The following ZNF385D variants were observed in gnomAD, a reference collection of about 807,000 sequenced individuals.
The protein encoded by ZNF385D is zinc finger protein 659.
A neutral mutation model predicts 35.8 loss-of-function variants in ZNF385D; 15 were observed. That is an observed-to-expected ratio of 0.42 (90% confidence interval 0.28 to 0.64). The LOEUF (loss-of-function observed/expected upper bound fraction) is 0.64, where lower values mean the gene tolerates loss of function less well. Ranked by LOEUF, ZNF385D falls within the 30% of genes least tolerant of loss-of-function variation. The pLI, the probability that ZNF385D is intolerant of heterozygous loss-of-function variation, is 0.23. For missense variants in ZNF385D, 474 were observed against 494.6 expected, an observed-to-expected ratio of 0.96 and a Z score of 0.39; for synonymous variants, 212 against 186.8, an observed-to-expected ratio of 1.13 and a Z score of -1.10.
chr3:22,229,463 T>C (rs75261164), intron 2 of ZNF385D, among the ~76,000 whole-genome samples: 8 of 152,320 alleles, frequency 5.3e-5, no homozygotes, highest in East Asian at 1.9e-4. Flanking sequence ...GTTTTCAGCA[T>C]TGATATTGTT....
At chr3:21,604,372 G>A (rs913148183) in intron 2 of ZNF385D, among the ~76,000 whole-genome samples, 1 of 152,116 alleles carries the variant, frequency 6.6e-6, no homozygotes, top group South Asian at 2.1e-4. Context: ...TTAACAAGGC[G>A]CTGAAAATTT....
intron 3 of ZNF385D, among the ~76,000 whole-genome samples, chr3:22,157,679 A>T (rs1206158732): frequency 2.0e-5 from 3 of 152,154 alleles, no homozygotes; most frequent in Non-Finnish European, 4.4e-5. Context: ...ACTTCTACTG[A>T]GTCACTGAAA....
intron 1 of ZNF385D, among the ~76,000 whole-genome samples, chr3:21,684,412 TCTCTCTC>T (rs2067035389): frequency 1.2e-5 from 1 of 84,152 alleles, no homozygotes; most frequent in Non-Finnish European, 2.6e-5. Context: ...CTCCTCTCTC[TCTCTCTC>T]TCTCTCTCTC....
intron 3 of ZNF385D, among the ~76,000 whole-genome samples, chr3:22,021,543 A>G (rs1697224787): frequency 6.6e-6 from 1 of 152,088 alleles, no homozygotes; most frequent in African/African-American, 2.4e-5. Flanking sequence ...AGTTGCTTTA[A>G]TTCGCTCAGC....
At chr3:21,577,715 G>A (rs904946850) in intron 2 of ZNF385D, among the ~76,000 whole-genome samples, 1 of 151,796 alleles carries the variant, frequency 6.6e-6, no homozygotes, top group Non-Finnish European at 1.5e-5. Flanking sequence ...AACTGGGGTG[G>A]GATTATATTT....
chr3:22,253,054 G>T (rs1328140059), intron 2 of ZNF385D, among the ~76,000 whole-genome samples: 5 of 152,186 alleles, frequency 3.3e-5, no homozygotes, highest in Admixed American at 3.3e-4. Flanking sequence ...TTTGGTAATT[G>T]ATAGATGTTG....
chr3:21,963,877 C>G (rs1267401128), intron 3 of ZNF385D, among the ~76,000 whole-genome samples: 1 of 151,932 alleles, frequency 6.6e-6, no homozygotes, highest in Non-Finnish European at 1.5e-5. Flanking sequence ...AAGAAAAATT[C>G]AGAGCAGAAA....
chr3:22,238,799 C>G (rs1218024248), intron 2 of ZNF385D, among the ~76,000 whole-genome samples: 1 of 150,760 alleles, frequency 6.6e-6, no homozygotes, highest in Non-Finnish European at 1.5e-5. Flanking sequence ...GTGTTGTGAA[C>G]AGGGCTCACT....
At chr3:22,072,657 A>G (rs1411529849) in intron 3 of ZNF385D, among the ~76,000 whole-genome samples, 1 of 152,026 alleles carries the variant, frequency 6.6e-6, no homozygotes, top group Non-Finnish European at 1.5e-5. Flanking sequence ...TAGGAAGGCA[A>G]GAAGGAATGG....
chr3:21,990,405 C>T (rs1037843398), intron 3 of ZNF385D, among the ~76,000 whole-genome samples: 1 of 152,192 alleles, frequency 6.6e-6, no homozygotes, highest in Non-Finnish European at 1.5e-5. Flanking sequence ...ATGAACTTAC[C>T]TAACTTCCTA....
At chr3:21,906,218 C>T (rs1357727198) in intron 3 of ZNF385D, among the ~76,000 whole-genome samples, 1 of 152,174 alleles carries the variant, frequency 6.6e-6, no homozygotes, top group Non-Finnish European at 1.5e-5. Flanking sequence ...TGTAATTAAT[C>T]TGCTGAAATG....
At chr3:21,973,994 G>A (rs1603661) in intron 3 of ZNF385D, among the ~76,000 whole-genome samples, 58,520 of 151,646 alleles carry the variant, frequency 0.39, 11,915 homozygotes, top group African/African-American at 0.53. Flanking sequence ...TGTATATATT[G>A]CTCAAAGCAA....
intron 3 of ZNF385D, among the ~76,000 whole-genome samples, chr3:22,110,875 G>T (rs952053134): frequency 1.3e-5 from 2 of 151,934 alleles, no homozygotes; most frequent in Admixed American, 6.6e-5. Flanking sequence ...TAGGATATAA[G>T]GCTGTCAAGA....
At chr3:22,146,431 T>A (rs1483470622) in intron 3 of ZNF385D, among the ~76,000 whole-genome samples, 1 of 152,186 alleles carries the variant, frequency 6.6e-6, no homozygotes, top group Non-Finnish European at 1.5e-5. Context: ...TTTTGTTTGC[T>A]TTCCCCTTTG....
chr3:21,728,235 G>A (rs1424543824), intron 1 of ZNF385D, among the ~76,000 whole-genome samples: 1 of 151,542 alleles, frequency 6.6e-6, no homozygotes, highest in Non-Finnish European at 1.5e-5. Flanking sequence ...GTATACCTAT[G>A]TAACAAAACT....
chr3:21,907,897 G>A (rs948305903), intron 3 of ZNF385D, among the ~76,000 whole-genome samples: 11 of 151,982 alleles, frequency 7.2e-5, no homozygotes, highest in African/African-American at 2.7e-4. Flanking sequence ...GGTAATTGGA[G>A]AACTTGCCTA....
intron 3 of ZNF385D, among the ~76,000 whole-genome samples, chr3:22,086,746 T>C (rs941931808): frequency 6.6e-6 from 1 of 152,160 alleles, no homozygotes; most frequent in Non-Finnish European, 1.5e-5. Context: ...TGGAATACTA[T>C]GCAGCCATAA....
intron 1 of ZNF385D, among the ~76,000 whole-genome samples, chr3:21,700,758 G>A (rs1575488138): frequency 6.6e-6 from 1 of 152,100 alleles, no homozygotes; most frequent in African/African-American, 2.4e-5. Context: ...AAATCATGTT[G>A]GAATATTTAA....
At chr3:21,895,123 C>G (rs1699065935) in intron 3 of ZNF385D, among the ~76,000 whole-genome samples, 1 of 151,770 alleles carries the variant, frequency 6.6e-6, no homozygotes, top group South Asian at 2.1e-4. Flanking sequence ...CATGCATGTT[C>G]CAAAACCCAG....
Sources: gnomAD v4.1 joint callset for allele counts (sites outside exome capture counted in the v4.1 genomes callset) on GRCh38, gnomAD v4.1.1 for gene constraint, MANE v1.5 for transcripts, NCBI Gene and HGNC (gene_info 2026-07-23, HGNC 2026-07-21) for gene names.